Variants in GMPS observed in about 807,000 individuals in gnomAD.
GMPS encodes the protein guanosine monophosphate synthase.
A neutral mutation model predicts 77.9 loss-of-function variants in GMPS; 15 were observed. That is an observed-to-expected ratio of 0.19 (90% CI 0.13 to 0.30). The LOEUF (loss-of-function observed/expected upper bound fraction) is 0.30, where lower values mean the gene tolerates loss of function less well. Ranked by LOEUF, GMPS falls within the 10% of genes least tolerant of loss-of-function variation. The probability of loss-of-function intolerance (pLI) is 1.00; values close to 1 mark genes in which losing one functional copy is unlikely to be tolerated. For missense variants in GMPS, 590 were observed against 838.8 expected (o/e 0.70, Z 3.66); for synonymous variants, 224 against 275.9 (o/e 0.81, Z 1.86).
At chr3:155,888,122 G>C (rs1042624516) in intron 1 of GMPS, among the ~76,000 whole-genome samples, 2 of 151,126 alleles carry the variant, frequency 1.3e-5, no homozygotes, top group Non-Finnish European at 1.5e-5. Context: ...GCATTGCCCA[G>C]ACTAGTCTCC....
intron 9 of GMPS, among the ~76,000 whole-genome samples, chr3:155,918,025 G>C (rs1198785096): frequency 6.6e-6 from 1 of 152,138 alleles, no homozygotes; most frequent in African/African-American, 2.4e-5. Flanking sequence ...TTTTTTTGAG[G>C]AACTTATTGT....
At chr3:155,912,983 A>G (rs1755078979) in intron 7 of GMPS, among the ~76,000 whole-genome samples, 1 of 152,222 alleles carries the variant, frequency 6.6e-6, no homozygotes, top group Non-Finnish European at 1.5e-5. Flanking sequence ...CTGTGGATGT[A>G]TTCTCTAGAG....
At position 155,937,870 on chromosome 3, in the gene GMPS, G is replaced by A. The variant is rs907716341; in HGVS notation, c.*178G>A. The A allele has an allele frequency of 7.4e-6, 4 of 541,814 alleles. No individual in the cohort carries two copies. The highest frequency in any genetic ancestry group is 1.9e-5 in the African/African-American group (1 of 52,812). The allele number at this position is 541,814 out of a possible 1,614,324, so 33.6% of individuals were successfully genotyped here. A position where few individuals can be genotyped will look rare whatever the true frequency, so the allele number is the denominator to read the frequency against. On this transcript the variant is annotated 3_prime_UTR_variant, in exon 16 of 16. Coordinates refer to ENST00000496455, the MANE Select transcript of GMPS (RefSeq NM_003875.3). ...TTGGGGATAACCAAAAGGGACTGAA[G>A]AGTTTGTACGGGTAAATAATCAAAG...
chr3:155,927,636 T>G (rs1755490878), intron 12 of GMPS, among the ~76,000 whole-genome samples: 1 of 152,214 alleles, frequency 6.6e-6, no homozygotes, highest in Non-Finnish European at 1.5e-5. Flanking sequence ...AGTATAACAA[T>G]GCATTTTATT....
intron 5 of GMPS, among the ~76,000 whole-genome samples, chr3:155,906,692 A>C (rs1381079287): frequency 6.7e-6 from 1 of 149,186 alleles, no homozygotes; most frequent in Non-Finnish European, 1.5e-5. Flanking sequence ...AGGGTTGGCA[A>C]ACTGTGACTT....
At chr3:155,930,842 G>C (rs1755595980) in intron 12 of GMPS, among the ~76,000 whole-genome samples, 1 of 151,896 alleles carries the variant, frequency 6.6e-6, no homozygotes, top group African/African-American at 2.4e-5. Context: ...ATTTTTTTGA[G>C]ATGGGGTCTT....
Position 155,941,275 on chromosome 3 carries a change from G to A in GMPS, c.*3583G>A. 5.6e-6 allele frequency: 1 copy of A among 177,116 alleles called. No homozygotes were observed. Among genetic ancestry groups the A allele is most frequent in the Non-Finnish European group, 1.2e-5 (1 of 82,310 alleles). 11.0% of individuals were successfully genotyped at this position (177,116 alleles called of 1,614,324 possible). ...ACAAATTAGCTGGGCGCGGTGGCGG[G>A]TGCCTGTAGTCCCAGCTACTCGGGA... On this transcript the variant is annotated 3_prime_UTR_variant, in exon 16 of 16. Coordinates refer to ENST00000496455, the MANE Select transcript of GMPS (RefSeq NM_003875.3).
In GMPS at chr3:155,923,871, G is replaced by GT. The variant is rs966672686; in HGVS notation, c.1435-1359dup. 5.2e-3 allele frequency among the ~76,000 whole-genome samples: 757 copies of GT among 146,330 alleles called. 2 individuals are homozygous for GT. The highest frequency in any genetic ancestry group is 0.011 in the African/African-American group (427 of 40,186). On this transcript the variant is annotated intron_variant, in intron 11 of 15. Transcript: ENST00000496455. ...TGTGCAGTTAAGGTTGAGAACCATT[G>GT]TTTTTTTTTTTGTTTGTTTGTTTTT...
chr3:155,940,132 C>T lies in GMPS; in HGVS notation c.*2440C>T, dbSNP rs143336278. 4.9e-6 allele frequency: 1 copy of T among 204,726 alleles called. No individual in the cohort carries two copies. The highest frequency in any genetic ancestry group is 7.5e-5 in the East Asian group (1 of 13,364). The allele number at this position is 204,726 out of a possible 1,614,324, so 12.7% of individuals were successfully genotyped here. On this transcript the variant is annotated 3_prime_UTR_variant, in exon 16 of 16. Transcript: ENST00000496455. ...CTTTATTCCCGTTGCTTACCATCTA[C>T]CTGGGACACATCTCTCTTTGATTAA...
Position 155,925,342 on chromosome 3 carries a change from G to A in GMPS, c.1536G>A (p.Leu512=), listed in dbSNP as rs2108131410. The A allele has an allele frequency of 6.2e-7, 1 of 1,610,656 alleles. No homozygotes were observed. The highest frequency in any genetic ancestry group is 8.5e-7 in the Non-Finnish European group (1 of 1,177,490). Residue 512 remains leucine (L), a synonymous_variant, in exon 12 of 16, where the codon CTG becomes CTA. Transcript: ENST00000496455. ...TSLHSLNAFL[L]PIKTVGVQGD... is the part of the protein sequence containing the mutation. Reference sequence around the variant, plus strand: ...TGCATTCACTGAATGCCTTCTTGCTGCCAATTAAAACTGTAGGTGTGCAGG... The same window carrying A: ...TGCATTCACTGAATGCCTTCTTGCTACCAATTAAAACTGTAGGTGTGCAGG...
At chr3:155,873,297 TA>T (rs573668381) in intron 1 of GMPS, among the ~76,000 whole-genome samples, 183 of 152,210 alleles carry the variant, frequency 1.2e-3, no homozygotes, top group African/African-American at 3.6e-3. Flanking sequence ...TAATTTATAT[TA>T]TTTTTTTGAG....
Position 155,927,076 on chromosome 3 carries a change from G to A in GMPS, c.1560+1710G>A, listed in dbSNP as rs1755475960. 2.6e-5 allele frequency among the ~76,000 whole-genome samples: 4 copies of A among 151,958 alleles called. No homozygotes were observed. In the South Asian group the frequency reaches 8.3e-4, roughly 32 times the overall value. On this transcript the variant is annotated intron_variant, in intron 12 of 15. Transcript: ENST00000496455. ...AACTAAAATATTTTATTTCATGAAAGTGATAGAGCCAGCTATTGGGTTAAG... is the reference window on the plus strand; with the variant it reads ...AACTAAAATATTTTATTTCATGAAAATGATAGAGCCAGCTATTGGGTTAAG...
intron 1 of GMPS, among the ~76,000 whole-genome samples, chr3:155,882,594 CT>C (rs1754235459): frequency 6.6e-6 from 1 of 152,180 alleles, no homozygotes. Flanking sequence ...GTACTGAGGA[CT>C]GCTACTTTTG....
chr3:155,930,165 T>C (rs1255073343), intron 12 of GMPS, among the ~76,000 whole-genome samples: 2 of 144,554 alleles, frequency 1.4e-5, no homozygotes, highest in East Asian at 4.2e-4. Context: ...AACAGAGATA[T>C]AGATCAATGG....
chr3:155,918,644 G>A (rs1200872743), intron 9 of GMPS, among the ~76,000 whole-genome samples: 1 of 152,008 alleles, frequency 6.6e-6, no homozygotes, highest in Non-Finnish European at 1.5e-5. Flanking sequence ...TTTTAAGTTC[G>A]AGGATATAAG....
chr3:155,880,427 C>T (rs1438816729), intron 1 of GMPS, among the ~76,000 whole-genome samples: 1 of 152,090 alleles, frequency 6.6e-6, no homozygotes, highest in Non-Finnish European at 1.5e-5. Flanking sequence ...AGTTTTGTAT[C>T]TTTAGTGTCA....
At chr3:155,926,121 A>G (rs923281060) in intron 12 of GMPS, among the ~76,000 whole-genome samples, 4 of 152,058 alleles carry the variant, frequency 2.6e-5, no homozygotes, top group African/African-American at 9.7e-5. Flanking sequence ...AAGCGACCCT[A>G]CTACCTCAGC....
chr3:155,911,984 C>CA (rs1755051269), intron 7 of GMPS, among the ~76,000 whole-genome samples: 3 of 151,022 alleles, frequency 2.0e-5, no homozygotes, highest in Admixed American at 2.0e-4. Context: ...AGATTCTATA[C>CA]TTTTTTTTTA....
intron 12 of GMPS, among the ~76,000 whole-genome samples, chr3:155,927,143 C>T (rs1031644789): frequency 2.0e-5 from 3 of 152,058 alleles, no homozygotes; most frequent in Admixed American, 6.6e-5. Flanking sequence ...TTGTAAGCTG[C>T]TTATGTTGTT....
Sources: allele counts gnomAD v4.1 joint callset (sites outside exome capture counted in the v4.1 genomes callset), GRCh38; gene constraint gnomAD v4.1.1; transcripts MANE v1.5; gene names NCBI Gene and HGNC (gene_info 2026-07-23, HGNC 2026-07-21).